The following ADGRL1 variants were observed in gnomAD, a reference collection of about 807,000 sequenced individuals.
ADGRL1 encodes CIRL-1.
ADGRL1 carries 31 observed loss-of-function variants against 148.9 expected under a neutral mutation model. The ratio of observed to expected loss-of-function variants is 0.21; its 90% CI spans 0.16 to 0.28. The LOEUF (loss-of-function observed/expected upper bound fraction) is 0.28, where lower values mean the gene tolerates loss of function less well. Among genes scored for constraint, ADGRL1 ranks in the 10% least tolerant of loss-of-function variants. The probability of loss-of-function intolerance (pLI) is 1.00; values close to 1 mark genes in which losing one functional copy is unlikely to be tolerated. For synonymous variants in ADGRL1, 937 were observed against 900.3 expected, an observed-to-expected ratio of 1.04 and a Z score of -0.73; for missense variants, 1,521 against 2,058.8, an observed-to-expected ratio of 0.74 and a Z score of 5.05.
intron 3 of ADGRL1, 56 bp downstream of exon 3, chr19:14,177,475 G>A (rs1970902234): frequency 6.7e-7 from 1 of 1,489,608 alleles, no homozygotes; most frequent in Non-Finnish European, 9.4e-7. Context: ...GCTGGCAGGT[G>A]TGCAGTGCTT....
At chr19:14,200,885 T>G (rs1231842426) in intron 1 of ADGRL1, among the ~76,000 whole-genome samples, 1 of 152,224 alleles carries the variant, frequency 6.6e-6, no homozygotes, top group Admixed American at 6.5e-5. Flanking sequence ...CCCAAAGTGC[T>G]GGGATTACAG....
chr19:14,158,294 G>A (rs773049820), intron 12 of ADGRL1, 44 bp downstream of exon 12: 1 of 1,585,596 alleles, frequency 6.3e-7, no homozygotes, highest in Non-Finnish European at 8.6e-7. Context: ...GGAACACAGA[G>A]GGTACAGGGA....
chr19:14,157,924 G>T lies in ADGRL1; in HGVS notation c.2493C>A (p.Ser831Arg). ...TGAGCACAGCGAAGTTGGTGAGGTG[G>T]CTGCAGGCACACGTGGTATGGGTCT... Reference protein sequence around the residue: ...SNKTHTTCACSHLTNFAVLMA... With the variant: ...SNKTHTTCACRHLTNFAVLMA... The change falls in exon 13 of 23, where the codon AGC becomes AGA. Residue 831 changes from serine to arginine, a missense_variant. Ser to Arg is a moderately radical substitution (Grantham distance 110). Around this residue, in one of 8 missense-constraint regions of ADGRL1, gnomAD observed 265 missense variants for 431.9 expected, o/e 0.61. Coordinates refer to ENST00000361434, the MANE Select transcript of ADGRL1 (RefSeq NM_014921.5). This position sits in a 1 kb window ranked among gnomAD's most constrained non-coding sequence, Gnocchi z 7.5. 6.2e-7 allele frequency: 1 copy of T among 1,614,208 alleles called. No homozygotes were observed. Among genetic ancestry groups the T allele is most frequent in the Non-Finnish European group, 8.5e-7 (1 of 1,180,030 alleles).
chr19:14,150,920 G>A lies in ADGRL1; in HGVS notation c.4363C>T (p.Pro1455Ser). The A allele has an allele frequency of 6.2e-7, 1 of 1,611,890 alleles. No homozygotes were observed. Among genetic ancestry groups the A allele is most frequent in the Non-Finnish European group, 8.5e-7 (1 of 1,179,658 alleles). Residue 1455 changes from proline (P) to serine (S), a missense_variant, in exon 23 of 23, where the codon CCA becomes TCA. Around this residue, in one of 8 missense-constraint regions of ADGRL1, gnomAD observed 390 missense variants for 375.0 expected, o/e 1.04. Coordinates refer to ENST00000361434, the MANE Select transcript of ADGRL1 (RefSeq NM_014921.5). ...GYLAAPGLEG[P>S]GPDGDGQMQL... ...ATCTGCCCGTCCCCATCGGGCCCTGGCCCCTCAAGGCCTGGGGCTGCCAGG... is the reference window on the plus strand; with the variant it reads ...ATCTGCCCGTCCCCATCGGGCCCTGACCCCTCAAGGCCTGGGGCTGCCAGG...
At chr19:14,202,751 G>A (rs961561591) in intron 1 of ADGRL1, among the ~76,000 whole-genome samples, 13 of 152,144 alleles carry the variant, frequency 8.5e-5, no homozygotes, top group African/African-American at 2.9e-4. Context: ...CACAAAAGAT[G>A]CAGACAGCCC....
chr19:14,186,297 A>T (rs1425743050), intron 1 of ADGRL1, among the ~76,000 whole-genome samples: 1 of 152,130 alleles, frequency 6.6e-6, no homozygotes, highest in East Asian at 1.9e-4. Flanking sequence ...GCCTCAAGAG[A>T]TCCTCCTGCC....
chr19:14,195,789 G>C (rs983505754), intron 1 of ADGRL1, among the ~76,000 whole-genome samples: 5 of 152,172 alleles, frequency 3.3e-5, no homozygotes, highest in Non-Finnish European at 7.4e-5. Flanking sequence ...TTGCTGCTCA[G>C]GGACTAACAG....
intron 2 of ADGRL1, among the ~76,000 whole-genome samples, chr19:14,180,447 G>A (rs1025844543): frequency 6.6e-6 from 1 of 152,018 alleles, no homozygotes; most frequent in African/African-American, 2.4e-5. Context: ...GTAGAGACGG[G>A]GTTTTGCCAT....
At chr19:14,188,101 A>T (rs1971699941) in intron 1 of ADGRL1, among the ~76,000 whole-genome samples, 1 of 152,052 alleles carries the variant, frequency 6.6e-6, no homozygotes, top group Admixed American at 6.6e-5. Flanking sequence ...TCTCTTAATA[A>T]AAATAAATAA....
intron 4 of ADGRL1, among the ~76,000 whole-genome samples, chr19:14,166,476 C>T (rs957483417): frequency 5.3e-5 from 8 of 151,916 alleles, no homozygotes; most frequent in Non-Finnish European, 7.4e-5. Context: ...AAAAGGAAAA[C>T]AATGGTGTCC....
At position 14,159,390 on chromosome 19, in the gene ADGRL1, G is replaced by A. The variant is rs763283189; in HGVS notation, c.2023+11C>T. ...GTATCTGAGTTTGCCCTGGGTGACT[G>A]TGGCACTCACCCACGTTCTCCTTGG... On this transcript the variant is annotated intron_variant, in intron 10 of 22. Coordinates refer to ENST00000361434, the MANE Select transcript of ADGRL1 (RefSeq NM_014921.5). The surrounding 1 kb of genome is among the most constrained non-coding windows in gnomAD (Gnocchi z 6.0). The A allele has an allele frequency of 3.7e-6, 6 of 1,601,906 alleles. No homozygotes were observed. The highest frequency in any genetic ancestry group is 5.1e-6 in the Non-Finnish European group (6 of 1,172,320).
rs1250740260 is a variant in ADGRL1, at chr19:14,177,436, T to TA, written c.284+94dup. On this transcript the variant is annotated intron_variant, in intron 3 of 22. Transcript: ENST00000361434. Reference sequence around the variant, plus strand: ...GCTCAGTAAACATGTGTTGAATGCATAAAAAAAAGATGTAAGGTGAACGGG... The same window carrying TA: ...GCTCAGTAAACATGTGTTGAATGCATAAAAAAAAAGATGTAAGGTGAACGGG... 122 of 1,176,340 alleles carry TA rather than the reference T, an allele frequency of 1.0e-4. 1 individual carries two copies. The highest frequency in any genetic ancestry group is 5.5e-4 in the South Asian group (42 of 75,744). 72.9% of individuals were successfully genotyped at this position (1,176,340 alleles called of 1,614,324 possible).
chr19:14,202,134 C>T (rs530518164), intron 1 of ADGRL1, among the ~76,000 whole-genome samples: 4 of 152,218 alleles, frequency 2.6e-5, no homozygotes, highest in Admixed American at 6.5e-5. Context: ...AAGGGCCAGA[C>T]CCCAGGACAG....
At chr19:14,183,445 A>G (rs938493622) in intron 2 of ADGRL1, 88 bp downstream of exon 2, 1 of 1,236,190 alleles carries the variant, frequency 8.1e-7, no homozygotes. Context: ...TTCTTTACTG[A>G]GTGATCAGGA....
chr19:14,151,863 G>C (rs1433345008), intron 22 of ADGRL1, among the ~76,000 whole-genome samples: 1 of 152,198 alleles, frequency 6.6e-6, no homozygotes, highest in African/African-American at 2.4e-5. Context: ...CTCATCCCCA[G>C]CTGGAGGTTC....
chr19:14,180,039 G>A (rs1374853256), intron 2 of ADGRL1, among the ~76,000 whole-genome samples: 1 of 152,148 alleles, frequency 6.6e-6, no homozygotes, highest in South Asian at 2.1e-4. Context: ...AGCCCTGTAG[G>A]TGGTCTATCA....
chr19:14,152,712 C>T lies in ADGRL1; in HGVS notation c.3423+72G>A. Reference sequence around the variant, plus strand: ...TGATCATCACGATCAGAAACCTAGGCCAAGCCACTCCCCACCTCTCAGGCT... The same window carrying T: ...TGATCATCACGATCAGAAACCTAGGTCAAGCCACTCCCCACCTCTCAGGCT... On this transcript the variant is annotated intron_variant, in intron 19 of 22. Coordinates refer to ENST00000361434, the MANE Select transcript of ADGRL1 (RefSeq NM_014921.5). This position sits in a 1 kb window ranked among gnomAD's most constrained non-coding sequence, Gnocchi z 6.1. 6.2e-7 allele frequency: 1 copy of T among 1,600,398 alleles called. No individual in the cohort carries two copies. The highest frequency in any genetic ancestry group is 1.1e-5 in the South Asian group (1 of 89,938).
intron 1 of ADGRL1, among the ~76,000 whole-genome samples, chr19:14,189,303 C>T (rs1310300751): frequency 1.3e-5 from 2 of 150,268 alleles, no homozygotes; most frequent in African/African-American, 2.5e-5. Flanking sequence ...TCACTGTAAC[C>T]TCCACCTCCC....
chr19:14,161,381 G>A lies in ADGRL1; in HGVS notation c.1441C>T (p.Arg481Trp). 6.3e-7 allele frequency: 1 copy of A among 1,594,270 alleles called. No individual in the cohort carries two copies. The highest frequency in any genetic ancestry group is 8.5e-7 in the Non-Finnish European group (1 of 1,172,092). Residue 481 changes from arginine to tryptophan, a missense_variant, in exon 6 of 23, where the codon CGG becomes TGG. This residue lies in a region of ADGRL1 where 270 missense variants were observed against 320.4 expected (regional missense o/e 0.84). Coordinates refer to ENST00000361434, the MANE Select transcript of ADGRL1 (RefSeq NM_014921.5). This position sits in a 1 kb window ranked among gnomAD's most constrained non-coding sequence, Gnocchi z 4.4. ...TGGGTGGCCGGCCACTGGACCCGCC[G>A]TACCTCTCGGGGCTCGCAGAAGAGC... ...PELFCEPREV[R>W]RVQWPATQQG...
Sources: allele counts gnomAD v4.1 joint callset (sites outside exome capture counted in the v4.1 genomes callset), GRCh38; gene constraint gnomAD v4.1.1; regional missense constraint gnomAD v4.1.1; non-coding constraint Gnocchi (gnomAD v3.1); transcripts MANE v1.5; gene names NCBI Gene and HGNC (gene_info 2026-07-23, HGNC 2026-07-21).